Variants in KIAA0319 observed in about 807,000 individuals in gnomAD.
The protein encoded by KIAA0319 is KIAA0319, also known as dyslexia-associated protein KIAA0319.
In KIAA0319, 83 loss-of-function variants were observed where a neutral mutation model predicts 108.4. The observed-to-expected ratio is 0.77, with a 90% CI of 0.64 to 0.92. The LOEUF (loss-of-function observed/expected upper bound fraction) is 0.92. Ranked by LOEUF, KIAA0319 falls within the 40% of genes least tolerant of loss-of-function variation. The probability of loss-of-function intolerance (pLI) is 0.00; values close to 1 mark genes in which losing one functional copy is unlikely to be tolerated. For missense variants in KIAA0319, 1,195 were observed against 1,322.4 expected (o/e 0.90, Z 1.49); for synonymous variants, 484 against 510.4 (o/e 0.95, Z 0.70).
intron 18 of KIAA0319, among the ~76,000 whole-genome samples, chr6:24,554,946 C>T (rs1167243068): frequency 6.6e-6 from 1 of 152,182 alleles, no homozygotes; most frequent in African/African-American, 2.4e-5. Context: ...TATATAAACA[C>T]ACATGTATAC....
rs771417242 is a variant in KIAA0319, at chr6:24,559,137, A to G, written c.2610T>C (p.Tyr870=). The G allele has an allele frequency of 1.9e-6, 3 of 1,613,184 alleles. No homozygotes were observed. The highest frequency in any genetic ancestry group is 1.1e-5 in the South Asian group (1 of 90,998). The stretch of plus-strand genomic sequence containing the variant: ...CCTTGAAAGGCGGCCTGCTCTGTAC[A>G]TAAAACACAATCACGGTGCTGTGGA... ...HSDLSTVIVF[Y]VQSRPPFKVL... is the part of the protein sequence containing the mutation. The change falls in exon 17 of 21, where the codon TAT becomes TAC. Residue 870 remains tyrosine (Y), a synonymous_variant. Transcript: ENST00000378214.
chr6:24,581,007 CG>C lies in KIAA0319; in HGVS notation c.1197del (p.Val400SerfsTer36). 1 of 1,605,414 alleles carries C rather than the reference CG, an allele frequency of 6.2e-7. No homozygotes were observed. The highest frequency in any genetic ancestry group is 8.5e-7 in the Non-Finnish European group (1 of 1,172,538). ...HKQTLNLSQL[S>X]VGLYVFKVTV... ...GTGACTTTGAAGACATAAAGTCCGA[CG>C]GACAACTGTAACATAAAGAAAAGTT... On this transcript the variant is annotated frameshift_variant, in exon 7 of 21. Coordinates refer to ENST00000378214, the MANE Select transcript of KIAA0319 (RefSeq NM_014809.4). LOFTEE classifies it high-confidence loss of function.
chr6:24,560,991 T>C (rs751054131), intron 16 of KIAA0319, among the ~76,000 whole-genome samples: 5 of 152,192 alleles, frequency 3.3e-5, no homozygotes, highest in Admixed American at 6.5e-5. Flanking sequence ...TCTGTGCCTA[T>C]TGAGATGATC....
intron 16 of KIAA0319, among the ~76,000 whole-genome samples, chr6:24,562,001 C>T (rs1259927988): frequency 6.6e-6 from 1 of 152,228 alleles, no homozygotes; most frequent in East Asian, 1.9e-4. Context: ...CCGCACCTGG[C>T]CACCTGGCAA....
intron 1 of KIAA0319, among the ~76,000 whole-genome samples, chr6:24,619,054 G>A (rs1009574542): frequency 6.6e-6 from 1 of 152,142 alleles, no homozygotes; most frequent in Non-Finnish European, 1.5e-5. Context: ...GGCTTGAGGC[G>A]GGGAATGTGC....
intron 10 of KIAA0319, 97 bp downstream of exon 10, chr6:24,576,271 T>G (rs1297773798): frequency 1.2e-5 from 11 of 910,086 alleles, no homozygotes; most frequent in Non-Finnish European, 1.7e-5. Flanking sequence ...ACAAAATAAA[T>G]TATCTAAATT....
rs140927224 is a variant in KIAA0319, at chr6:24,616,409, G to A, written c.-105-15201C>T. ...AGTCTCGCTCTGTTGCCAGGCTGGA[G>A]TGCAGTGGCGCCATCTCGGCTCACT... On this transcript the variant is annotated intron_variant, in intron 1 of 20. Transcript: ENST00000378214. 2.1e-3 allele frequency among the ~76,000 whole-genome samples: 317 copies of A among 152,358 alleles called. 1 individual carries two copies. Among genetic ancestry groups the A allele is most frequent in the African/African-American group, 6.8e-3 (284 of 41,590 alleles).
chr6:24,551,907 A>T (rs1261571629), intron 19 of KIAA0319, among the ~76,000 whole-genome samples: 1 of 152,206 alleles, frequency 6.6e-6, no homozygotes, highest in African/African-American at 2.4e-5. Context: ...GCTATGTCCA[A>T]TGCTGCAGTA....
chr6:24,616,569 G>T (rs1469538373), intron 1 of KIAA0319, among the ~76,000 whole-genome samples: 2 of 152,170 alleles, frequency 1.3e-5, no homozygotes, highest in Non-Finnish European at 2.9e-5. Flanking sequence ...GGCCAGGATG[G>T]TCTCGATTTC....
At chr6:24,623,274 G>A (rs972387860) in intron 1 of KIAA0319, among the ~76,000 whole-genome samples, 1 of 151,966 alleles carries the variant, frequency 6.6e-6, no homozygotes, top group African/African-American at 2.4e-5. Flanking sequence ...AAGAAAATAT[G>A]GGGCAATGTT....
intron 16 of KIAA0319, among the ~76,000 whole-genome samples, chr6:24,563,151 A>G (rs149132423): frequency 3.9e-5 from 6 of 152,368 alleles, no homozygotes; most frequent in Middle Eastern, 6.8e-3. Context: ...ATTCCCAATC[A>G]GCAAACATTT....
chr6:24,622,916 G>C (rs543138008), intron 1 of KIAA0319, among the ~76,000 whole-genome samples: 6 of 152,146 alleles, frequency 3.9e-5, no homozygotes, highest in African/African-American at 1.4e-4. Flanking sequence ...GCAGGTGCCT[G>C]TAATCCCAGC....
intron 6 of KIAA0319, among the ~76,000 whole-genome samples, chr6:24,582,028 C>T (rs1240075757): frequency 6.6e-6 from 1 of 152,150 alleles, no homozygotes; most frequent in Non-Finnish European, 1.5e-5. Flanking sequence ...CACCTGTAAT[C>T]CCAGCTACTC....
At position 24,547,103 on chromosome 6, in the gene KIAA0319, G is replaced by C; in HGVS notation, c.*62C>G. On this transcript the variant is annotated 3_prime_UTR_variant, in exon 21 of 21. Transcript: ENST00000378214. ...ATTCTAAAAGAGTGGGTTTTGTGCT[G>C]TAACTCCCACTGACTGGTCTTGGAT... The C allele has an allele frequency of 6.5e-7, 1 of 1,531,716 alleles. No individual in the cohort carries two copies. Among genetic ancestry groups the C allele is most frequent in the Non-Finnish European group, 9.0e-7 (1 of 1,110,046 alleles). The allele number at this position is 1,531,716 out of a possible 1,614,324, so 94.9% of individuals were successfully genotyped here.
In KIAA0319 at chr6:24,596,308, G is replaced by A. The variant is rs75674723; in HGVS notation, c.366C>T (p.Asn122=). ...CCCAGATCCCCGAGGGGGAGCCCCT[G>A]TTCAGCATCATGTCCCCATAGTCCA... The part of the protein sequence containing the change: ...QLLDYGDMML[N]RGSPSGIWGD... The change falls in exon 3 of 21, where the codon AAC becomes AAT. Residue 122 remains asparagine, a synonymous_variant. Transcript: ENST00000378214. 2,510 of 1,614,140 alleles carry A rather than the reference G, an allele frequency of 1.6e-3. 37 individuals are homozygous for A. The African/African-American group carries it at 0.029, about 19-fold the overall frequency.
chr6:24,629,223 G>A (rs892858229), intron 1 of KIAA0319, among the ~76,000 whole-genome samples: 3 of 152,020 alleles, frequency 2.0e-5, no homozygotes, highest in Non-Finnish European at 2.9e-5. Flanking sequence ...GCCAATGATG[G>A]AATCAATGAC....
chr6:24,567,363 A>G (rs1764051656), intron 13 of KIAA0319, among the ~76,000 whole-genome samples: 1 of 152,152 alleles, frequency 6.6e-6, no homozygotes, highest in Non-Finnish European at 1.5e-5. Context: ...TGAAATAATA[A>G]CAATGATAAT....
chr6:24,558,239 C>T (rs996000012), intron 17 of KIAA0319, among the ~76,000 whole-genome samples: 3 of 151,360 alleles, frequency 2.0e-5, no homozygotes, highest in Non-Finnish European at 4.4e-5. Context: ...CTCTACTAAG[C>T]CATGATGGCT....
intron 1 of KIAA0319, among the ~76,000 whole-genome samples, chr6:24,638,227 A>G (rs1776454312): frequency 6.6e-6 from 1 of 152,196 alleles, no homozygotes; most frequent in Non-Finnish European, 1.5e-5. Flanking sequence ...AAATAACAAG[A>G]TAGTAAGATT....
Sources: gnomAD v4.1 joint callset for allele counts (sites outside exome capture counted in the v4.1 genomes callset) on GRCh38, gnomAD v4.1.1 for gene constraint, MANE v1.5 for transcripts, NCBI Gene and HGNC (gene_info 2026-07-23, HGNC 2026-07-21) for gene names.